Variants in RAB38 observed in about 807,000 individuals in gnomAD.
The protein encoded by RAB38 is RAB38, member RAS oncogene family.
Under a neutral mutation model 18.4 loss-of-function variants are expected in RAB38, and 15 were observed. That is an observed-to-expected ratio of 0.82 (90% CI 0.55 to 1.26). The LOEUF (loss-of-function observed/expected upper bound fraction) is 1.26, where lower values mean the gene tolerates loss of function less well. Among genes scored for constraint, RAB38 ranks in the 50% most tolerant of loss-of-function variants. The pLI is 0.00. For synonymous variants in RAB38, 101 were observed against 104.4 expected (o/e 0.97, Z 0.20); for missense variants, 294 against 267.4 (o/e 1.10, Z -0.69).
the RAB38 span, among the ~76,000 whole-genome samples, chr11:87,810,098 A>G: frequency 6.6e-6 from 1 of 151,922 alleles, no homozygotes; most frequent in African/African-American, 2.4e-5. Flanking sequence ...ATTGTCTATT[A>G]TCATACAGAC....
At chr11:87,976,128 ATG>A in the RAB38 span, among the ~76,000 whole-genome samples, 72 of 149,128 alleles carry the variant, frequency 4.8e-4, no homozygotes, top group African/African-American at 1.5e-3. Context: ...AAATATATAT[ATG>A]TGTGTGTGTG....
chr11:87,972,040 G>T, the RAB38 span, among the ~76,000 whole-genome samples: 1 of 151,848 alleles, frequency 6.6e-6, no homozygotes, highest in African/African-American at 2.4e-5. Context: ...GTACACAGAA[G>T]ATGGAAACTT....
At chr11:87,827,169 T>G in the RAB38 span, among the ~76,000 whole-genome samples, 2,607 of 152,324 alleles carry the variant, frequency 0.017, 48 homozygotes, top group South Asian at 0.063. Flanking sequence ...AACTGGTTAG[T>G]AAGTAATTTA....
At chr11:87,842,790 G>A in the RAB38 span, among the ~76,000 whole-genome samples, 8 of 144,248 alleles carry the variant, frequency 5.5e-5, no homozygotes, top group South Asian at 4.6e-4. Flanking sequence ...ACATGCATGC[G>A]CATGCACACA....
chr11:88,138,775 A>ATTTTTTTTTTTTTTTTTTTTT (rs1565214062), intron 2 of RAB38, among the ~76,000 whole-genome samples: 1 of 69,694 alleles, frequency 1.4e-5, no homozygotes, highest in African/African-American at 4.3e-5. Context: ...TTTTATTATT[A>ATTTTTTTTTTTTTTTTTTTTT]TTCTTTTTTT....
chr11:87,878,444 G>C, the RAB38 span, among the ~76,000 whole-genome samples: 1 of 150,842 alleles, frequency 6.6e-6, no homozygotes, highest in African/African-American at 2.4e-5. Context: ...AAACAGCAGA[G>C]GGCAGTGCAA....
At position 88,129,644 on chromosome 11, in the gene RAB38, A is replaced by G. The variant is rs569120797; in HGVS notation, c.484-15504T>C. Among the ~76,000 whole-genome samples, 15 of 152,158 alleles carry G rather than the reference A, an allele frequency of 9.9e-5. No individual in the cohort carries two copies. In the South Asian group the frequency reaches 2.9e-3, roughly 29 times the overall value. On this transcript the variant is annotated intron_variant, in intron 2 of 2. Coordinates refer to ENST00000243662, the MANE Select transcript of RAB38 (RefSeq NM_022337.3). ...GGGCGACAAAGTGAGACTCCATCTCAAAACAAACAAACAAACAAACAAACA... is the reference window on the plus strand; with the variant it reads ...GGGCGACAAAGTGAGACTCCATCTCGAAACAAACAAACAAACAAACAAACA...
the RAB38 span, among the ~76,000 whole-genome samples, chr11:88,011,094 T>C: frequency 2.0e-5 from 3 of 152,226 alleles, no homozygotes; most frequent in Admixed American, 2.0e-4. Flanking sequence ...CAGATGGGTA[T>C]CTACTGAGAG....
the RAB38 span, among the ~76,000 whole-genome samples, chr11:87,903,331 T>C: frequency 1.3e-5 from 2 of 151,542 alleles, no homozygotes; most frequent in Admixed American, 1.3e-4. Flanking sequence ...GGTTATATAA[T>C]TATTTTATTC....
chr11:87,946,464 TGTGCC>T, the RAB38 span, among the ~76,000 whole-genome samples: 5 of 152,168 alleles, frequency 3.3e-5, no homozygotes, highest in African/African-American at 1.2e-4. Flanking sequence ...TATATATACA[TGTGCC>T]ATGTTGGTGT....
chr11:87,848,554 T>A, the RAB38 span, among the ~76,000 whole-genome samples: 2 of 151,754 alleles, frequency 1.3e-5, no homozygotes, highest in African/African-American at 4.9e-5. Context: ...TAACAAAATA[T>A]GTTCACATGC....
At chr11:87,937,955 C>A in the RAB38 span, among the ~76,000 whole-genome samples, 2 of 136,032 alleles carry the variant, frequency 1.5e-5, no homozygotes, top group East Asian at 2.2e-4. Context: ...GTGTTTGTAT[C>A]TGTTGAATAT....
At chr11:88,136,788 C>CTT (rs1187897748) in intron 2 of RAB38, among the ~76,000 whole-genome samples, 2 of 152,298 alleles carry the variant, frequency 1.3e-5, no homozygotes, top group African/African-American at 4.8e-5. Flanking sequence ...AAGCTCAACA[C>CTT]TTACACAGTA....
At chr11:87,967,996 A>C in the RAB38 span, among the ~76,000 whole-genome samples, 1 of 152,164 alleles carries the variant, frequency 6.6e-6, no homozygotes, top group Non-Finnish European at 1.5e-5. Flanking sequence ...TGCTGAAAGT[A>C]CATTTGCCAC....
chr11:87,954,361 G>A, the RAB38 span, among the ~76,000 whole-genome samples: 7 of 152,038 alleles, frequency 4.6e-5, no homozygotes, highest in Admixed American at 1.3e-4. Context: ...TCTCTCCCTT[G>A]AGTTTGGAAA....
At chr11:87,938,637 T>TTTA in the RAB38 span, among the ~76,000 whole-genome samples, 1 of 106,410 alleles carries the variant, frequency 9.4e-6, no homozygotes, top group African/African-American at 4.0e-5. Flanking sequence ...TTTTTTGATT[T>TTTA]TGTTGTTGTT....
At chr11:87,977,421 ATATTATAAAACAAT>A in the RAB38 span, among the ~76,000 whole-genome samples, 1 of 99,596 alleles carries the variant, frequency 1.0e-5, no homozygotes, top group Admixed American at 1.2e-4. Context: ...AAATATAATT[ATATTATAAAACAAT>A]TATATATAAT....
chr11:88,122,182 T>G (rs1016546581), intron 2 of RAB38, among the ~76,000 whole-genome samples: 16 of 152,206 alleles, frequency 1.1e-4, no homozygotes, highest in African/African-American at 3.9e-4. Flanking sequence ...TTTTTGACAG[T>G]TTACTATTCC....
chr11:88,104,659 A>G, the RAB38 span, among the ~76,000 whole-genome samples: 1 of 152,144 alleles, frequency 6.6e-6, no homozygotes, highest in Non-Finnish European at 1.5e-5. Context: ...GGCACTAAAT[A>G]AACAGTATTT....
Sources: allele counts gnomAD v4.1 joint callset (sites outside exome capture counted in the v4.1 genomes callset), GRCh38; gene constraint gnomAD v4.1.1; transcripts MANE v1.5; gene names NCBI Gene and HGNC (gene_info 2026-07-23, HGNC 2026-07-21).